The following TMEM74 variants were observed in gnomAD, a reference collection of about 807,000 sequenced individuals.
TMEM74 encodes the protein transmembrane protein 74.
Under a neutral mutation model 18.1 loss-of-function variants are expected in TMEM74, and 13 were observed. The observed-to-expected ratio is 0.72, with a 90% CI of 0.47 to 1.14. The LOEUF (loss-of-function observed/expected upper bound fraction) is 1.14, where lower values mean the gene tolerates loss of function less well. Ranked by LOEUF, TMEM74 falls within the 50% of genes most tolerant of loss-of-function variation. The pLI is 0.00. For synonymous variants in TMEM74, 159 were observed against 146.6 expected (o/e 1.08, Z -0.61); for missense variants, 372 against 375.9 (o/e 0.99, Z 0.09).
At chr8:108,775,408 A>T (rs1814221087), downstream of TMEM74, among the ~76,000 whole-genome samples, 1 of 152,148 alleles carries the variant, frequency 6.6e-6, no homozygotes, top group Non-Finnish European at 1.5e-5. Flanking sequence ...TGGGGACTCA[A>T]ATGTTGTTTA....
chr8:108,687,218 T>A (rs1264030944), intron 1 of TMEM74, among the ~76,000 whole-genome samples: 1 of 151,968 alleles, frequency 6.6e-6, no homozygotes, highest in Non-Finnish European at 1.5e-5. Flanking sequence ...TTTGACAATG[T>A]GGAATGGAGG....
At chr8:108,693,517 TTG>T (rs1431222010) in intron 1 of TMEM74, among the ~76,000 whole-genome samples, 1 of 152,126 alleles carries the variant, frequency 6.6e-6, no homozygotes, top group Non-Finnish European at 1.5e-5. Flanking sequence ...GTTCAGAAAA[TTG>T]TGAGAAGACT....
chr8:108,736,502 G>C (rs1032477094), intron 1 of TMEM74, among the ~76,000 whole-genome samples: 2 of 152,128 alleles, frequency 1.3e-5, no homozygotes, highest in East Asian at 3.9e-4. Context: ...CTTCCTGTTG[G>C]TATCATAGAA....
At chr8:108,726,537 A>G (rs1813640070) in intron 1 of TMEM74, among the ~76,000 whole-genome samples, 1 of 152,210 alleles carries the variant, frequency 6.6e-6, no homozygotes, top group African/African-American at 2.4e-5. Flanking sequence ...CGGTGTAACA[A>G]ATGAGTTTGG....
intron 1 of TMEM74, among the ~76,000 whole-genome samples, chr8:108,713,803 C>A (rs369165778): frequency 6.6e-6 from 1 of 152,100 alleles, no homozygotes; most frequent in Admixed American, 6.5e-5. Flanking sequence ...AGCTGGAGAC[C>A]CTGCAATGCT....
chr8:108,620,510 C>T (rs187448665), intron 2 of TMEM74, among the ~76,000 whole-genome samples: 3 of 152,146 alleles, frequency 2.0e-5, no homozygotes, highest in East Asian at 1.9e-4. Flanking sequence ...TTTTAGAAGG[C>T]GGATATTCCC....
intron 1 of TMEM74, among the ~76,000 whole-genome samples, chr8:108,691,994 T>A (rs968805124): frequency 1.3e-5 from 2 of 152,160 alleles, no homozygotes; most frequent in Non-Finnish European, 2.9e-5. Context: ...AATGTTCAAA[T>A]AATGTTCCAG....
intron 1 of TMEM74, among the ~76,000 whole-genome samples, chr8:108,712,028 A>G (rs539072486): frequency 8.3e-4 from 126 of 152,156 alleles, no homozygotes; most frequent in African/African-American, 3.0e-3. Flanking sequence ...CATCAGCATC[A>G]CCTGGGAACT....
At chr8:108,785,201 T>C (rs1379747561) in intron 1 of TMEM74, 64 bp from the exon 2 acceptor site, 11 of 1,275,436 alleles carry the variant, frequency 8.6e-6, no homozygotes, top group Non-Finnish European at 1.2e-5. Flanking sequence ...TCCAGGAGTG[T>C]TGCTCCTGGG....
chr8:108,771,968 T>TA (rs1403435379), intron 1 of TMEM74, among the ~76,000 whole-genome samples: 1 of 152,036 alleles, frequency 6.6e-6, no homozygotes, highest in Middle Eastern at 3.4e-3. Flanking sequence ...AATGTTGCTT[T>TA]AAAAAAAAGA....
chr8:108,638,691 T>A (rs1249427784), intron 2 of TMEM74, among the ~76,000 whole-genome samples: 1 of 152,164 alleles, frequency 6.6e-6, no homozygotes, highest in Non-Finnish European at 1.5e-5. Flanking sequence ...TTACTCCTGA[T>A]AATTACTAAC....
At chr8:108,616,427 AC>A (rs1201639180) in intron 2 of TMEM74, among the ~76,000 whole-genome samples, 1 of 152,220 alleles carries the variant, frequency 6.6e-6, no homozygotes, top group Non-Finnish European at 1.5e-5. Flanking sequence ...CATTTAACTG[AC>A]ATCATGCACT....
chr8:108,667,888 C>T (rs1444362265), intron 1 of TMEM74, among the ~76,000 whole-genome samples: 1 of 152,106 alleles, frequency 6.6e-6, no homozygotes, highest in Non-Finnish European at 1.5e-5. Flanking sequence ...CCTAGTACCT[C>T]CTCCCATAAT....
chr8:108,736,748 C>T (rs1813753110), intron 1 of TMEM74, among the ~76,000 whole-genome samples: 1 of 152,074 alleles, frequency 6.6e-6, no homozygotes, highest in Non-Finnish European at 1.5e-5. Flanking sequence ...AAAACTTTCA[C>T]CACACCTCTA....
chr8:108,710,738 G>T (rs1252631095), intron 1 of TMEM74, among the ~76,000 whole-genome samples: 3 of 152,162 alleles, frequency 2.0e-5, no homozygotes, highest in Admixed American at 1.3e-4. Flanking sequence ...TTCTCTCTCT[G>T]GGTATGAGCG....
chr8:108,623,414 C>A (rs1812462065), intron 2 of TMEM74, among the ~76,000 whole-genome samples: 1 of 152,052 alleles, frequency 6.6e-6, no homozygotes, highest in South Asian at 2.1e-4. Flanking sequence ...TGGCTTCTCC[C>A]AGAAACTAAG....
chr8:108,757,417 C>T (rs1423167131), intron 1 of TMEM74, among the ~76,000 whole-genome samples: 1 of 152,012 alleles, frequency 6.6e-6, no homozygotes. Context: ...CAATATTTAT[C>T]TCCACACAGA....
chr8:108,780,202 C>A lies in TMEM74; in HGVS notation c.*3979G>T, dbSNP rs1214450142. Among the ~76,000 whole-genome samples, 4 of 152,138 alleles carry A rather than the reference C, an allele frequency of 2.6e-5. No individual in the cohort carries two copies. Among genetic ancestry groups the A allele is most frequent in the African/African-American group, 9.7e-5 (4 of 41,450 alleles). Reference sequence around the variant, plus strand: ...GTTGTGAATCTTTTTTGTCAGACCACGTTTTTTTGATGGCATTAATTGCTG... The same window carrying A: ...GTTGTGAATCTTTTTTGTCAGACCAAGTTTTTTTGATGGCATTAATTGCTG... On this transcript the variant is annotated 3_prime_UTR_variant, in exon 2 of 2. Transcript: ENST00000297459.
At chr8:108,634,657 C>A (rs1237756852) in intron 2 of TMEM74, among the ~76,000 whole-genome samples, 1 of 151,974 alleles carries the variant, frequency 6.6e-6, no homozygotes, top group Non-Finnish European at 1.5e-5. Context: ...CTAAGAAAAC[C>A]GAGACCACTG....
Sources: allele counts gnomAD v4.1 joint callset (sites outside exome capture counted in the v4.1 genomes callset), GRCh38; gene constraint gnomAD v4.1.1; transcripts MANE v1.5; gene names NCBI Gene and HGNC (gene_info 2026-07-23, HGNC 2026-07-21).